Variants in GMFB observed in about 807,000 individuals in gnomAD.
GMFB encodes glia maturation factor beta.
GMFB carries 13 observed loss-of-function variants against 25.6 expected under a neutral mutation model. The observed-to-expected ratio is 0.51, with a 90% CI of 0.33 to 0.81. The LOEUF (loss-of-function observed/expected upper bound fraction) is 0.81, where lower values mean the gene tolerates loss of function less well. Among genes scored for constraint, GMFB ranks in the 30% least tolerant of loss-of-function variants. The pLI is 0.02. For synonymous variants in GMFB, 57 were observed against 56.9 expected (o/e 1.00, Z 0.00); for missense variants, 146 against 175.4 (o/e 0.83, Z 0.95).
At chr14:54,484,043 T>C (rs1036618286) in intron 1 of GMFB, 7 of 522,852 alleles carry the variant, frequency 1.3e-5, no homozygotes, top group Non-Finnish European at 1.8e-5. Flanking sequence ...CACATAATAA[T>C]GTGCAATGTC....
chr14:54,481,966 C>G (rs1364058196), intron 3 of GMFB, among the ~76,000 whole-genome samples, 187 bp downstream of exon 3: 1 of 152,140 alleles, frequency 6.6e-6, no homozygotes, highest in Non-Finnish European at 1.5e-5. Flanking sequence ...TTCACTAATG[C>G]TTTTAAACAA....
chr14:54,483,766 C>T lies in GMFB; in HGVS notation c.5G>A (p.Ser2Asn). Reference protein sequence around the residue: MSESLVVCDVAE... With the variant: MNESLVVCDVAE... ...AACATCACAAACAACCAAAGACTCA[C>T]TCTATAAAAGAAAAAAAACACACAT... The change falls in exon 2 of 7, where the codon AGT becomes AAT. Residue 2 changes from serine to asparagine, a missense_variant and splice_region_variant. Physicochemically the swap from Ser to Asn is conservative, Grantham distance 46. Transcript: ENST00000358056. The T allele has an allele frequency of 6.3e-7, 1 of 1,576,042 alleles. No individual in the cohort carries two copies. The highest frequency in any genetic ancestry group is 8.7e-7 in the Non-Finnish European group (1 of 1,148,394).
At position 54,482,102 on chromosome 14, in the gene GMFB, A is replaced by G. The variant is rs749101281; in HGVS notation, c.150+51T>C. ...TATGTAACTAATATAGCATCTTTTG[A>G]GAAATAATAATTACTTAACTATAAA... On this transcript the variant is annotated intron_variant, in intron 3 of 6. Transcript: ENST00000358056. 2.6e-6 allele frequency: 3 copies of G among 1,166,240 alleles called. No homozygotes were observed. In the East Asian group the frequency reaches 7.1e-5, roughly 27 times the overall value. The allele number at this position is 1,166,240 out of a possible 1,614,324, so 72.2% of individuals were successfully genotyped here.
At chr14:54,485,689 A>C (rs2031771725) in intron 1 of GMFB, among the ~76,000 whole-genome samples, 1 of 152,238 alleles carries the variant, frequency 6.6e-6, no homozygotes, top group African/African-American at 2.4e-5. Flanking sequence ...AAGGAGCCAC[A>C]AAAGACTGTG....
chr14:54,488,869 C>T (rs2031826505), intron 1 of GMFB, 56 bp downstream of exon 1: 1 of 1,505,496 alleles, frequency 6.6e-7, no homozygotes, highest in South Asian at 1.2e-5. Context: ...ACCGGGAAAA[C>T]CCGGCTGGCC....
Position 54,488,980 on chromosome 14 carries a change from T to C in GMFB, c.-53A>G. ...GCCTACACTCGGGCGCCTTTAAGAA[T>C]GGCACGGCGGCCGCCTCCCTTCCTG... On this transcript the variant is annotated 5_prime_UTR_variant, in exon 1 of 7. Transcript: ENST00000358056. 2 of 1,495,192 alleles carry C rather than the reference T, an allele frequency of 1.3e-6. No individual in the cohort carries two copies. The highest frequency in any genetic ancestry group is 1.8e-6 in the Non-Finnish European group (2 of 1,112,608). 92.6% of individuals were successfully genotyped at this position (1,495,192 alleles called of 1,614,324 possible). A position where few individuals can be genotyped will look rare whatever the true frequency, so the allele number is the denominator to read the frequency against.
intron 1 of GMFB, among the ~76,000 whole-genome samples, chr14:54,486,013 A>G (rs1023732158): frequency 6.6e-6 from 1 of 152,198 alleles, no homozygotes; most frequent in African/African-American, 2.4e-5. Flanking sequence ...GCACTTTGGG[A>G]GGCCGAGGCG....
At chr14:54,482,116 C>T (rs1368697933) in intron 3 of GMFB, 37 bp downstream of exon 3, 1 of 1,309,894 alleles carries the variant, frequency 7.6e-7, no homozygotes, top group Admixed American at 1.7e-5. Context: ...ATAATAATTA[C>T]TTAACTATAA....
intron 3 of GMFB, 69 bp downstream of exon 3, chr14:54,482,080 GTAAC>G: frequency 1.1e-6 from 1 of 946,884 alleles, no homozygotes; most frequent in Admixed American, 1.9e-5. Flanking sequence ...AGAAGCATAT[GTAAC>G]TAATATAGCA....
chr14:54,485,641 A>C (rs1480255622), intron 1 of GMFB, among the ~76,000 whole-genome samples: 1 of 152,204 alleles, frequency 6.6e-6, no homozygotes, highest in Non-Finnish European at 1.5e-5. Context: ...TACCAATGAC[A>C]TTCTTAAAAG....
chr14:54,482,337 C>T, intron 2 of GMFB, 135 bp from the exon 3 acceptor site: 2 of 591,580 alleles, frequency 3.4e-6, no homozygotes, highest in Non-Finnish European at 6.2e-6. Context: ...AACTAATTCA[C>T]AGTTTTAGTT....
At position 54,483,729 on chromosome 14, in the gene GMFB, T is replaced by C. The variant is rs555607074; in HGVS notation, c.42A>G (p.Leu14=). Residue 14 remains leucine (L), a synonymous_variant, in exon 2 of 7, where the codon TTA becomes TTG. Coordinates refer to ENST00000358056, the MANE Select transcript of GMFB (RefSeq NM_004124.3). ...SLVVCDVAED[L]VEKLRKFRFR... is the part of the protein sequence containing the mutation. ...AACGAAACTTTCTCAGCTTTTCCAC[T>C]AAATCTTCGGCAACATCACAAACAA... 2.5e-6 allele frequency: 4 copies of C among 1,610,648 alleles called. No homozygotes were observed. In the East Asian group the frequency reaches 8.9e-5, roughly 36 times the overall value.
Position 54,484,277 on chromosome 14 carries a change from T to C in GMFB, c.4-510A>G, listed in dbSNP as rs112341796. On this transcript the variant is annotated intron_variant, in intron 1 of 6. Transcript: ENST00000358056. ...ACCCCATAAGAGTAAAGACCAATAA[T>C]ATTTTATATTATAATTAAATGATTA... is the stretch of plus-strand genomic sequence containing the variant. 2.0e-3 allele frequency among the ~76,000 whole-genome samples: 302 copies of C among 152,066 alleles called. 4 individuals carry two copies. The highest frequency in any genetic ancestry group is 7.1e-3 in the African/African-American group (295 of 41,538).
intron 1 of GMFB, 140 bp downstream of exon 1, chr14:54,488,785 C>G: frequency 1.6e-6 from 1 of 613,764 alleles, no homozygotes; most frequent in Non-Finnish European, 2.7e-6. Flanking sequence ...TAGCTATGGG[C>G]ACTGGCCAGC....
intron 1 of GMFB, 104 bp downstream of exon 1, chr14:54,488,821 G>T: frequency 1.1e-6 from 1 of 881,180 alleles, no homozygotes; most frequent in Non-Finnish European, 1.6e-6. Context: ...CGGCCGCCGA[G>T]CCCTCCTGGG....
At position 54,478,055 on chromosome 14, in the gene GMFB, T is replaced by A. The variant is rs774446977; in HGVS notation, c.*33A>T. 3 of 948,342 alleles carry A rather than the reference T, an allele frequency of 3.2e-6. No homozygotes were observed. In the African/African-American group the frequency reaches 5.0e-5, roughly 16 times the overall value. 58.7% of individuals were successfully genotyped at this position (948,342 alleles called of 1,614,324 possible). ...TCTGATTCCAGTATGGTCAGGTTAA[T>A]ACATAAATACTTTAGAAACACAGAA... On this transcript the variant is annotated 3_prime_UTR_variant, in exon 7 of 7. Transcript: ENST00000358056.
Position 54,475,144 on chromosome 14 carries a change from C to G in GMFB, c.*2944G>C, listed in dbSNP as rs1488556346. The stretch of plus-strand genomic sequence containing the variant: ...TTAAACTCTTATGAAAATATCTATT[C>G]ATCACTAGTCCACATATGGATTAAT... On this transcript the variant is annotated 3_prime_UTR_variant, in exon 7 of 7. Coordinates refer to ENST00000358056, the MANE Select transcript of GMFB (RefSeq NM_004124.3). 6.6e-6 allele frequency: 1 copy of G among 152,546 alleles called. No individual in the cohort carries two copies. Among genetic ancestry groups the G allele is most frequent in the Admixed American group, 6.5e-5 (1 of 15,276 alleles). 9.4% of individuals were successfully genotyped at this position (152,546 alleles called of 1,614,324 possible).
intron 5 of GMFB, chr14:54,480,121 T>C: frequency 3.0e-6 from 1 of 328,938 alleles, no homozygotes; most frequent in African/African-American, 2.2e-5. Context: ...TTTAGAGCCT[T>C]GCAAACAATT....
chr14:54,482,497 A>C (rs1403919963), intron 2 of GMFB, among the ~76,000 whole-genome samples: 2 of 152,130 alleles, frequency 1.3e-5, no homozygotes, highest in African/African-American at 4.8e-5. Context: ...CTCAAATCCA[A>C]CTTCTAGATA....
Sources: gnomAD v4.1 joint callset for allele counts (sites outside exome capture counted in the v4.1 genomes callset) on GRCh38, gnomAD v4.1.1 for gene constraint, MANE v1.5 for transcripts, NCBI Gene and HGNC (gene_info 2026-07-23, HGNC 2026-07-21) for gene names.